Variants in IMMP2L observed in about 807,000 individuals in gnomAD.
The protein encoded by IMMP2L is mitochondrial inner membrane protease subunit 2.
Under a neutral mutation model 19.3 loss-of-function variants are expected in IMMP2L, and 18 were observed. The ratio of observed to expected loss-of-function variants is 0.93; its 90% CI spans 0.64 to 1.38. The LOEUF (loss-of-function observed/expected upper bound fraction) is 1.38. Ranked by LOEUF, IMMP2L falls within the 40% of genes most tolerant of loss-of-function variation. The pLI, the probability that IMMP2L is intolerant of heterozygous loss-of-function variation, is 0.00. For missense variants in IMMP2L, 233 were observed against 218.2 expected (o/e 1.07, Z -0.43); for synonymous variants, 76 against 73.0 (o/e 1.04, Z -0.21).
At chr7:111,140,848 C>T (rs779797137) in intron 3 of IMMP2L, among the ~76,000 whole-genome samples, 60 of 152,208 alleles carry the variant, frequency 3.9e-4, no homozygotes, top group Non-Finnish European at 6.6e-4. Flanking sequence ...ATTCTAAAGC[C>T]ACTTAGGTAA....
intron 3 of IMMP2L, among the ~76,000 whole-genome samples, chr7:111,338,826 C>A (rs6957826): frequency 2.8e-4 from 43 of 152,200 alleles, no homozygotes; most frequent in African/African-American, 1.0e-3. Context: ...TGTCCCTTTG[C>A]CCCAATATTG....
intron 3 of IMMP2L, among the ~76,000 whole-genome samples, chr7:111,440,083 T>C (rs1013518084): frequency 2.0e-5 from 3 of 151,918 alleles, no homozygotes; most frequent in Non-Finnish European, 2.9e-5. Flanking sequence ...TTTTACTGTT[T>C]CCACCACATC....
intron 5 of IMMP2L, among the ~76,000 whole-genome samples, chr7:110,836,952 G>A (rs1804543808): frequency 6.6e-6 from 1 of 152,064 alleles, no homozygotes. Context: ...AAGTAATATG[G>A]CAAGGTCCAT....
intron 3 of IMMP2L, among the ~76,000 whole-genome samples, chr7:111,117,747 T>C (rs925353853): frequency 1.3e-5 from 2 of 152,098 alleles, no homozygotes; most frequent in Middle Eastern, 3.2e-3. Context: ...AAGTTCTTTA[T>C]ACAAATGAAC....
chr7:111,560,060 G>A (rs957942748), intron 1 of IMMP2L, among the ~76,000 whole-genome samples: 5 of 151,854 alleles, frequency 3.3e-5, no homozygotes, highest in African/African-American at 9.7e-5. Context: ...TATATAATAC[G>A]CAGTTAAGAT....
At chr7:110,800,966 G>C (rs528002830) in intron 5 of IMMP2L, among the ~76,000 whole-genome samples, 1 of 152,130 alleles carries the variant, frequency 6.6e-6, no homozygotes, top group South Asian at 2.1e-4. Context: ...ACCTTCATCA[G>C]AAATGTGGAT....
intron 3 of IMMP2L, among the ~76,000 whole-genome samples, chr7:111,221,552 C>A (rs1004361428): frequency 6.6e-6 from 1 of 151,666 alleles, no homozygotes; most frequent in Non-Finnish European, 1.5e-5. Flanking sequence ...TACACACTAG[C>A]AACAATAAAA....
At chr7:111,010,479 C>A (rs1824822488) in intron 3 of IMMP2L, among the ~76,000 whole-genome samples, 1 of 152,018 alleles carries the variant, frequency 6.6e-6, no homozygotes, top group African/African-American at 2.4e-5. Flanking sequence ...GCAGTACATC[C>A]TAACAGGTAT....
intron 3 of IMMP2L, among the ~76,000 whole-genome samples, chr7:111,212,452 C>T (rs1811431828): frequency 6.6e-6 from 1 of 151,916 alleles, no homozygotes; most frequent in Non-Finnish European, 1.5e-5. Context: ...CTACAAAAAA[C>T]ACACAAAAAA....
intron 5 of IMMP2L, among the ~76,000 whole-genome samples, chr7:110,840,787 A>G (rs1298802645): frequency 6.6e-6 from 1 of 152,010 alleles, no homozygotes; most frequent in Non-Finnish European, 1.5e-5. Context: ...TTTATGAAAA[A>G]CTTTTGTCTC....
intron 3 of IMMP2L, among the ~76,000 whole-genome samples, chr7:111,301,362 T>G (rs188112280): frequency 0.01 from 1,404 of 139,580 alleles, 25 homozygotes; most frequent in African/African-American, 0.037. Flanking sequence ...GTTTGTTTTG[T>G]TTTTTTTTTT....
rs1383522022 is a variant in IMMP2L at position 111,075,872 on chromosome 7, G to A, written c.240-112307C>T. 1.3e-5 allele frequency among the ~76,000 whole-genome samples: 2 copies of A among 151,980 alleles called. 1 individual carries two copies. Among genetic ancestry groups the A allele is most frequent in the African/African-American group, 4.8e-5 (2 of 41,362 alleles). On this transcript the variant is annotated intron_variant, in intron 3 of 5. Transcript: ENST00000405709. ...ATTATTTCGCTAAAAGGTAGCCCAG[G>A]CTTAACTCACTATTCTGAACTATTA... is the stretch of plus-strand genomic sequence containing the variant.
At chr7:111,418,976 T>G (rs898334532) in intron 3 of IMMP2L, among the ~76,000 whole-genome samples, 1 of 151,860 alleles carries the variant, frequency 6.6e-6, no homozygotes, top group Non-Finnish European at 1.5e-5. Flanking sequence ...TTTTCAATAT[T>G]GTGTTGCGAA....
intron 5 of IMMP2L, among the ~76,000 whole-genome samples, chr7:110,670,710 A>C (rs75337027): frequency 0.22 from 31,895 of 146,970 alleles, 4,094 homozygotes; most frequent in Middle Eastern, 0.32. Context: ...AAAAACAAAA[A>C]AAACAAAAAA....
Position 111,414,375 on chromosome 7 carries a change from T to C in IMMP2L, c.239+72863A>G, listed in dbSNP as rs182497270. 2.1e-3 allele frequency among the ~76,000 whole-genome samples: 326 copies of C among 151,888 alleles called. 7 individuals carry two copies. The highest frequency in any genetic ancestry group is 6.8e-3 in the African/African-American group (280 of 41,230). On this transcript the variant is annotated intron_variant, in intron 3 of 5. Coordinates refer to ENST00000405709, the MANE Select transcript of IMMP2L (RefSeq NM_032549.4). The stretch of plus-strand genomic sequence containing the variant: ...TAACCTATAAAGCCATGGAAAGACA[T>C]GAAAGAGTCTTAGCCAGCATACTGC...
At chr7:111,197,411 T>C (rs977355468) in intron 3 of IMMP2L, among the ~76,000 whole-genome samples, 3 of 152,040 alleles carry the variant, frequency 2.0e-5, no homozygotes, top group Non-Finnish European at 2.9e-5. Context: ...TGCAGTGAGC[T>C]GAGATCACGC....
intron 3 of IMMP2L, among the ~76,000 whole-genome samples, chr7:111,142,904 T>G (rs544502355): frequency 6.6e-6 from 1 of 152,300 alleles, no homozygotes; most frequent in African/African-American, 2.4e-5. Flanking sequence ...TAGATAGTGA[T>G]ATCTTTTACG....
At chr7:111,095,317 C>T (rs1218020594) in intron 3 of IMMP2L, among the ~76,000 whole-genome samples, 1 of 151,894 alleles carries the variant, frequency 6.6e-6, no homozygotes, top group South Asian at 2.1e-4. Flanking sequence ...ATTGGAGAGG[C>T]CTAGGTTAGA....
rs557725586 is a variant in IMMP2L, at chr7:110,728,081, C to T, written c.409-64360G>A. Among the ~76,000 whole-genome samples, 4 of 152,302 alleles carry T rather than the reference C, an allele frequency of 2.6e-5. No individual in the cohort carries two copies. The South Asian group carries it at 6.2e-4, about 24-fold the overall frequency. ...AGAACAGGGGTACCAACAATATATA[C>T]TTCATAATGTTGATGGGAAGATTAA... is the stretch of plus-strand genomic sequence containing the variant. On this transcript the variant is annotated intron_variant, in intron 5 of 5. Transcript: ENST00000405709. This position sits in a 1 kb window ranked among gnomAD's most constrained non-coding sequence, Gnocchi z 4.6.
Sources: allele counts gnomAD v4.1 joint callset (sites outside exome capture counted in the v4.1 genomes callset), GRCh38; gene constraint gnomAD v4.1.1; non-coding constraint Gnocchi (gnomAD v3.1); transcripts MANE v1.5; gene names NCBI Gene and HGNC (gene_info 2026-07-23, HGNC 2026-07-21).